COLEC10: variants seen among roughly 807,000 people sequenced by gnomAD.
COLEC10 encodes the protein collectin-10.
COLEC10 carries 22 observed loss-of-function variants against 28.4 expected under a neutral mutation model. That is an observed-to-expected ratio of 0.78 (90% confidence interval 0.55 to 1.11). The LOEUF (loss-of-function observed/expected upper bound fraction) is 1.11, where lower values mean the gene tolerates loss of function less well. Among genes scored for constraint, COLEC10 ranks in the 50% least tolerant of loss-of-function variants. The pLI, the probability that COLEC10 is intolerant of heterozygous loss-of-function variation, is 0.00. For synonymous variants in COLEC10, 125 were observed against 116.1 expected, an observed-to-expected ratio of 1.08 and a Z score of -0.49; for missense variants, 361 against 344.1, an observed-to-expected ratio of 1.05 and a Z score of -0.39.
chr8:119,063,029 G>A (rs1814886589), upstream of COLEC10: 1 of 152,178 alleles, frequency 6.6e-6, no homozygotes, highest in South Asian at 2.1e-4. Flanking sequence ...AATCCCTTCT[G>A]GAGATGAGGT....
chr8:118,961,069 G>GTTATATATAT, the COLEC10 span, among the ~76,000 whole-genome samples: 2 of 152,018 alleles, frequency 1.3e-5, no homozygotes, highest in Non-Finnish European at 2.9e-5. Flanking sequence ...ACATTTGTAT[G>GTTATATATAT]GTGCTTTTAA....
At chr8:119,075,190 T>C (rs1018137584) in intron 1 of COLEC10, among the ~76,000 whole-genome samples, 4 of 152,222 alleles carry the variant, frequency 2.6e-5, no homozygotes, top group African/African-American at 7.2e-5. Flanking sequence ...AATTCTCTCT[T>C]TCTCTCTTAC....
chr8:118,974,071 G>A, the COLEC10 span, among the ~76,000 whole-genome samples: 3 of 151,858 alleles, frequency 2.0e-5, no homozygotes, highest in African/African-American at 7.2e-5. Context: ...ATTTAATTCA[G>A]GCTTTTGCTC....
At chr8:119,025,395 G>C (rs1201865088) in intron 2 of COLEC10, among the ~76,000 whole-genome samples, 2 of 152,186 alleles carry the variant, frequency 1.3e-5, no homozygotes, top group Non-Finnish European at 2.9e-5. Flanking sequence ...CAGTATTTCA[G>C]AAATGGATTC....
At chr8:119,062,405 G>A (rs541456335), upstream of COLEC10, among the ~76,000 whole-genome samples, 5 of 152,086 alleles carry the variant, frequency 3.3e-5, no homozygotes, top group South Asian at 8.3e-4. Flanking sequence ...GGAGGCTTCT[G>A]ATTTTGTCTC....
intron 1 of COLEC10, among the ~76,000 whole-genome samples, chr8:119,080,113 C>A (rs1815340117): frequency 6.6e-6 from 1 of 152,124 alleles, no homozygotes; most frequent in Non-Finnish European, 1.5e-5. Context: ...TCTCCTGACT[C>A]CTGTGTCATT....
At chr8:119,084,345 T>TCCCA (rs947258173) in intron 1 of COLEC10, among the ~76,000 whole-genome samples, 1 of 152,192 alleles carries the variant, frequency 6.6e-6, no homozygotes, top group Non-Finnish European at 1.5e-5. Context: ...CAATACGTCA[T>TCCCA]CCCACCTTTC....
At chr8:119,028,506 CA>C (rs1814233863) in intron 2 of COLEC10, among the ~76,000 whole-genome samples, 1 of 151,870 alleles carries the variant, frequency 6.6e-6, no homozygotes, top group Admixed American at 6.6e-5. Flanking sequence ...AGGAAGAAGC[CA>C]AAGAGGAAAC....
the COLEC10 span, among the ~76,000 whole-genome samples, chr8:118,980,473 G>A: frequency 2.5e-4 from 38 of 151,940 alleles, no homozygotes; most frequent in African/African-American, 7.7e-4. Flanking sequence ...GATTACAGGC[G>A]TGAACCAACA....
At chr8:119,034,805 G>A (rs78203356) in intron 2 of COLEC10, among the ~76,000 whole-genome samples, 5 of 152,302 alleles carry the variant, frequency 3.3e-5, no homozygotes, top group East Asian at 1.9e-4. Flanking sequence ...ACACTTACTA[G>A]CTGTGTGATT....
At chr8:119,054,978 T>C (rs149343704) in intron 2 of COLEC10, among the ~76,000 whole-genome samples, 231 of 152,238 alleles carry the variant, frequency 1.5e-3, no homozygotes, top group African/African-American at 5.4e-3. Context: ...GAGAATTTTA[T>C]ATGATGTAAG....
the COLEC10 span, among the ~76,000 whole-genome samples, chr8:118,956,920 T>A: frequency 6.6e-6 from 1 of 152,148 alleles, no homozygotes; most frequent in South Asian, 2.1e-4. Context: ...AGTCCCCAAC[T>A]GGAACTAAAA....
chr8:119,072,198 G>T (rs141628648), intron 1 of COLEC10, among the ~76,000 whole-genome samples: 92 of 152,114 alleles, frequency 6.0e-4, no homozygotes, highest in Middle Eastern at 6.8e-3. Flanking sequence ...GCAGAGCAAA[G>T]CTCTTTCCCT....
chr8:119,023,146 C>T (rs1309851383), intron 2 of COLEC10, among the ~76,000 whole-genome samples: 5 of 152,066 alleles, frequency 3.3e-5, no homozygotes, highest in Non-Finnish European at 5.9e-5. Flanking sequence ...ACACATTGTC[C>T]GTCACTGCCT....
At chr8:118,953,316 G>A in the COLEC10 span, among the ~76,000 whole-genome samples, 1 of 152,288 alleles carries the variant, frequency 6.6e-6, no homozygotes, top group Admixed American at 6.5e-5. Context: ...ATTTTGAATC[G>A]TAGTTTTGAC....
chr8:119,088,317 A>G (rs1056084283), intron 1 of COLEC10, among the ~76,000 whole-genome samples: 4 of 152,136 alleles, frequency 2.6e-5, no homozygotes, highest in African/African-American at 7.2e-5. Flanking sequence ...CACAGATATC[A>G]CCTGTGCATT....
At chr8:119,036,999 T>C (rs933772483) in intron 2 of COLEC10, among the ~76,000 whole-genome samples, 1 of 152,126 alleles carries the variant, frequency 6.6e-6, no homozygotes, top group Non-Finnish European at 1.5e-5. Context: ...CCAGAGCACA[T>C]GCCTTTTGAT....
In COLEC10 at chr8:119,106,861, G is replaced by T. The variant is rs2130316097; in HGVS notation, c.*670G>T. 6.6e-6 allele frequency among the ~76,000 whole-genome samples: 1 copy of T among 152,236 alleles called. No individual in the cohort carries two copies. Among genetic ancestry groups the T allele is most frequent in the Admixed American group, 6.5e-5 (1 of 15,290 alleles). ...TATCGATTTCACTAACATATACCAA[G>T]TAGGTGCTTTGAACCCCTTTCTGTA... On this transcript the variant is annotated 3_prime_UTR_variant, in exon 6 of 6. Transcript: ENST00000332843.
chr8:119,085,763 A>C (rs1013927699), intron 1 of COLEC10, among the ~76,000 whole-genome samples: 45 of 151,602 alleles, frequency 3.0e-4, no homozygotes, highest in African/African-American at 1.1e-3. Flanking sequence ...GATTACAGGC[A>C]CCTGCCACCA....
Sources: gnomAD v4.1 joint callset for allele counts (sites outside exome capture counted in the v4.1 genomes callset) on GRCh38, gnomAD v4.1.1 for gene constraint, MANE v1.5 for transcripts, NCBI Gene and HGNC (gene_info 2026-07-23, HGNC 2026-07-21) for gene names.